The following ALPI variants were observed in gnomAD, a reference collection of about 807,000 sequenced individuals.
ALPI encodes the protein alkaline phosphatase, intestinal, also known as intestinal-type alkaline phosphatase.
Under a neutral mutation model 51.5 loss-of-function variants are expected in ALPI, and 50 were observed. That is an observed-to-expected ratio of 0.97 (90% confidence interval 0.77 to 1.23). The LOEUF (loss-of-function observed/expected upper bound fraction) is 1.23, where lower values mean the gene tolerates loss of function less well. ALPI is among the 50% of genes most tolerant of loss of function. ALPI has a pLI of 0.00. For missense variants in ALPI, 692 were observed against 722.4 expected, an observed-to-expected ratio of 0.96 and a Z score of 0.48; for synonymous variants, 322 against 308.2, an observed-to-expected ratio of 1.04 and a Z score of -0.47.
chr2:232,457,730 G>T lies in ALPI; in HGVS notation c.783+31G>T, dbSNP rs547308328. ...GGGGGCTGGTGGGTGTGGGAGGCAC[G>T]GCAGGGGGAGGCCAAGTGTGTGGGT... On this transcript the variant is annotated intron_variant, in intron 6 of 10. Coordinates refer to ENST00000295463, the MANE Select transcript of ALPI (RefSeq NM_001631.5). The surrounding 1 kb of genome is among the most constrained non-coding windows in gnomAD (Gnocchi z 4.7). 2 of 1,610,436 alleles carry T rather than the reference G, an allele frequency of 1.2e-6. No homozygotes were observed. The highest frequency in any genetic ancestry group is 1.7e-6 in the Non-Finnish European group (2 of 1,177,632).
In ALPI at chr2:232,456,899, A is replaced by G; in HGVS notation, c.301A>G (p.Thr101Ala). The G allele has an allele frequency of 6.2e-7, 1 of 1,613,428 alleles. No homozygotes were observed. Among genetic ancestry groups the G allele is most frequent in the Non-Finnish European group, 8.5e-7 (1 of 1,180,004 alleles). The change falls in exon 4 of 11, where the codon ACA becomes GCA. Residue 101 changes from threonine (T) to alanine (A), a missense_variant and splice_region_variant. Transcript: ENST00000295463. This position sits in a 1 kb window ranked among gnomAD's most constrained non-coding sequence, Gnocchi z 4.2. ...GAGCTCAGGGTGTCTCCGTTCGCAG[A>G]CATACAATGTGGACAGACAGGTGCC... ...DRFPYLALSK[T>A]YNVDRQVPDS...
In ALPI at chr2:232,460,434, T is replaced by G. The variant is rs1690289937; in HGVS notation, c.*1288T>G. ...AGGGTCTGGTCTTTTGGGCAGAGGG[T>G]GGGGGTGGTGGCAGGCTCAGGTGAA... On this transcript the variant is annotated 3_prime_UTR_variant, in exon 11 of 11. Coordinates refer to ENST00000295463, the MANE Select transcript of ALPI (RefSeq NM_001631.5). Among the ~76,000 whole-genome samples the G allele has an allele frequency of 6.8e-6, 1 of 147,062 alleles. No homozygotes were observed. The highest frequency in any genetic ancestry group is 1.5e-5 in the Non-Finnish European group (1 of 66,880).
rs1194704290 is a variant in ALPI at position 232,456,211 on chromosome 2, C to T, written c.12C>T (p.Pro4=). The change falls in exon 1 of 11, where the codon CCC becomes CCT. Residue 4 remains proline, a synonymous_variant. Transcript: ENST00000295463. This position sits in a 1 kb window ranked among gnomAD's most constrained non-coding sequence, Gnocchi z 4.2. ...GCTGCCCCCAAGACATGCAGGGGCC[C>T]TGGGTGCTGCTGCTGCTGGGCCTGA... MQG[P]WVLLLLGLRL... 6.2e-7 allele frequency: 1 copy of T among 1,613,502 alleles called. No homozygotes were observed. The highest frequency in any genetic ancestry group is 1.3e-5 in the African/African-American group (1 of 74,918).
rs114286057 is a variant in ALPI, at chr2:232,457,729, C to T, written c.783+30C>T. 1.7e-3 allele frequency: 2,803 copies of T among 1,610,066 alleles called. 32 individuals are homozygous for T. In the African/African-American group the frequency reaches 0.029, roughly 17 times the overall value. On this transcript the variant is annotated intron_variant, in intron 6 of 10. Coordinates refer to ENST00000295463, the MANE Select transcript of ALPI (RefSeq NM_001631.5). The surrounding 1 kb of genome is among the most constrained non-coding windows in gnomAD (Gnocchi z 4.7). Reference sequence around the variant, plus strand: ...TGGGGGCTGGTGGGTGTGGGAGGCACGGCAGGGGGAGGCCAAGTGTGTGGG... The same window carrying T: ...TGGGGGCTGGTGGGTGTGGGAGGCATGGCAGGGGGAGGCCAAGTGTGTGGG...
Position 232,459,113 on chromosome 2 carries a change from C to CCTG in ALPI, c.1564_1566dup (p.Leu522dup), listed in dbSNP as rs1559265339. 1 of 1,536,926 alleles carries CCTG rather than the reference C, an allele frequency of 6.5e-7. No homozygotes were observed. The highest frequency in any genetic ancestry group is 2.4e-5 in the East Asian group (1 of 40,872). ...CGTCGCTGCCACTGCTGGCCGGGAC[C>CCTG]CTGCTGCTGCTGGGGGCGTCCGCTG... On this transcript the variant is annotated inframe_insertion, in exon 11 of 11. Coordinates refer to ENST00000295463, the MANE Select transcript of ALPI (RefSeq NM_001631.5).
Position 232,458,408 on chromosome 2 carries a change from G to A in ALPI, c.1183G>A (p.Gly395Arg), listed in dbSNP as rs764795958. The A allele has an allele frequency of 1.9e-6, 3 of 1,612,364 alleles. No individual in the cohort carries two copies. The highest frequency in any genetic ancestry group is 2.5e-6 in the Non-Finnish European group (3 of 1,179,196). The change falls in exon 9 of 11, where the codon GGG becomes AGG. Residue 395 changes from glycine to arginine, a missense_variant and splice_region_variant. Transcript: ENST00000295463. ...GYTLRGSSIF[G>R]LAPSKAQDSK... ...CACCTTGCGAGGGAGCTCCATCTTC[G>A]GTAGGCCTGGGGAGAGTGGCAGGTG...
rs753681676 is a variant in ALPI, at chr2:232,459,074, G to C, written c.1515G>C (p.Ala505=). Residue 505 remains alanine, a synonymous_variant, in exon 11 of 11, where the codon GCG becomes GCC. Transcript: ENST00000295463. ...LAPPACTTDA[A]HPVAASLPLL... is the part of the protein sequence containing the mutation. ...CTCCCGCCTGCACCACCGACGCCGC[G>C]CACCCAGTTGCCGCGTCGCTGCCAC... 15 of 1,544,912 alleles carry C rather than the reference G, an allele frequency of 9.7e-6. No individual in the cohort carries two copies. In the African/African-American group the frequency reaches 1.1e-4, roughly 11 times the overall value.
rs1167419172 is a variant in ALPI, at chr2:232,457,754, G to C, written c.784-41G>C. The C allele has an allele frequency of 3.1e-6, 5 of 1,612,362 alleles. No homozygotes were observed. Among genetic ancestry groups the C allele is most frequent in the Non-Finnish European group, 4.2e-6 (5 of 1,179,162 alleles). Reference sequence around the variant, plus strand: ...CGGCAGGGGGAGGCCAAGTGTGTGGGTCTCAGGGCTGTGGGCTGAAGCCTG... The same window carrying C: ...CGGCAGGGGGAGGCCAAGTGTGTGGCTCTCAGGGCTGTGGGCTGAAGCCTG... On this transcript the variant is annotated intron_variant, in intron 6 of 10. Coordinates refer to ENST00000295463, the MANE Select transcript of ALPI (RefSeq NM_001631.5). This position sits in a 1 kb window ranked among gnomAD's most constrained non-coding sequence, Gnocchi z 4.7.
rs1051718875 is a variant in ALPI at position 232,460,221 on chromosome 2, G to T, written c.*1075G>T. Among the ~76,000 whole-genome samples, 4 of 150,906 alleles carry T rather than the reference G, an allele frequency of 2.7e-5. No homozygotes were observed. Among genetic ancestry groups the T allele is most frequent in the Non-Finnish European group, 5.9e-5 (4 of 67,754 alleles). Reference sequence around the variant, plus strand: ...CTGGGGCAGTGTCAGCAGGTGCTCTGGGAGGCCAAGGGCTGGATCAGAGGG... The same window carrying T: ...CTGGGGCAGTGTCAGCAGGTGCTCTTGGAGGCCAAGGGCTGGATCAGAGGG... On this transcript the variant is annotated 3_prime_UTR_variant, in exon 11 of 11. Coordinates refer to ENST00000295463, the MANE Select transcript of ALPI (RefSeq NM_001631.5).
In ALPI at chr2:232,457,087, C is replaced by T. The variant is rs374924065; in HGVS notation, c.475+14C>T. ...CCAAGCAAGCAGGTGAGCTGGGGCCCGCTGTGGGGTCAGGACCAGGCCCAA... is the reference window on the plus strand; with the variant it reads ...CCAAGCAAGCAGGTGAGCTGGGGCCTGCTGTGGGGTCAGGACCAGGCCCAA... On this transcript the variant is annotated intron_variant, in intron 4 of 10. Coordinates refer to ENST00000295463, the MANE Select transcript of ALPI (RefSeq NM_001631.5). This position sits in a 1 kb window ranked among gnomAD's most constrained non-coding sequence, Gnocchi z 4.7. 4.5e-5 allele frequency: 73 copies of T among 1,613,272 alleles called. 1 individual carries two copies. Among genetic ancestry groups the T allele is most frequent in the South Asian group, 2.0e-4 (18 of 91,050 alleles).
At position 232,458,995 on chromosome 2, in the gene ALPI, A is replaced by C. The variant is rs1690255045; in HGVS notation, c.1436A>C (p.His479Pro). The C allele has an allele frequency of 6.3e-7, 1 of 1,578,570 alleles. No homozygotes were observed. Among genetic ancestry groups the C allele is most frequent in the Non-Finnish European group, 8.6e-7 (1 of 1,162,676 alleles). Reference sequence around the variant, plus strand: ...GTGCAGGAGCAGAGCTTCGTAGCGCATGTCATGGCCTTCGCTGCCTGTCTG... The same window carrying C: ...GTGCAGGAGCAGAGCTTCGTAGCGCCTGTCATGGCCTTCGCTGCCTGTCTG... ...HGVQEQSFVA[H>P]VMAFAACLEP... The change falls in exon 11 of 11, where the codon CAT becomes CCT. Residue 479 changes from histidine (H) to proline (P), a missense_variant. Coordinates refer to ENST00000295463, the MANE Select transcript of ALPI (RefSeq NM_001631.5).
Position 232,457,522 on chromosome 2 carries a change from C to A in ALPI, c.649-43C>A. 1 of 1,569,984 alleles carries A rather than the reference C, an allele frequency of 6.4e-7. No homozygotes were observed. ...CTATGCATGAGGAGGGGGCACGGGG[C>A]CAGCCAGGCCCCCAAACCACCTGCC... On this transcript the variant is annotated intron_variant, in intron 5 of 10. Coordinates refer to ENST00000295463, the MANE Select transcript of ALPI (RefSeq NM_001631.5). The surrounding 1 kb of genome is among the most constrained non-coding windows in gnomAD (Gnocchi z 4.7).
rs551977075 is a variant in ALPI at position 232,458,284 on chromosome 2, C to A, written c.1059C>A (p.Phe353Leu). Residue 353 changes from phenylalanine to leucine, a missense_variant, in exon 9 of 11, where the codon TTC (phenylalanine) becomes TTA (leucine). By Grantham distance (22) the Phe-to-Leu change is conservative. Transcript: ENST00000295463. ...AGGCACTCACTGAGGCGGTCATGTT[C>A]GACGACGCCATTGAGAGGGCGGGCC... is the stretch of plus-strand genomic sequence containing the variant. The part of the protein sequence containing the change: ...AYQALTEAVM[F>L]DDAIERAGQL... 7 of 1,614,138 alleles carry A rather than the reference C, an allele frequency of 4.3e-6. No individual in the cohort carries two copies. The East Asian group carries it at 1.6e-4, about 36-fold the overall frequency.
Position 232,458,954 on chromosome 2 carries a change from G to A in ALPI, c.1395G>A (p.Ala465=), listed in dbSNP as rs867126363. The change falls in exon 11 of 11, where the codon GCG becomes GCA. Residue 465 remains alanine (A), a synonymous_variant. Coordinates refer to ENST00000295463, the MANE Select transcript of ALPI (RefSeq NM_001631.5). ...DVAVFARGPQ[A]HLVHGVQEQS... ...CGGTGTTTGCGCGCGGCCCGCAGGC[G>A]CACCTGGTGCATGGTGTGCAGGAGC... 11 of 1,597,470 alleles carry A rather than the reference G, an allele frequency of 6.9e-6. No homozygotes were observed. In the Admixed American group the frequency reaches 1.6e-4, roughly 23 times the overall value.
chr2:232,458,004 T>C lies in ALPI; in HGVS notation c.863T>C (p.Phe288Ser). 1 of 1,613,468 alleles carries C rather than the reference T, an allele frequency of 6.2e-7. No homozygotes were observed. Among genetic ancestry groups the C allele is most frequent in the Non-Finnish European group, 8.5e-7 (1 of 1,179,754 alleles). ...DQSVTHLMGL[F>S]EPGDTKYEIH... The stretch of plus-strand genomic sequence containing the variant: ...CAAGCTCCTTGTCCCACAGGCCTCT[T>C]TGAGCCCGGAGACACGAAATATGAG... Residue 288 changes from phenylalanine (F) to serine (S), a missense_variant, in exon 8 of 11, where the codon TTT becomes TCT. By Grantham distance (155) the Phe-to-Ser change is radical. Transcript: ENST00000295463.
intron 9 of ALPI, 85 bp from the exon 10 acceptor site, chr2:232,458,547 G>A: frequency 6.5e-7 from 1 of 1,544,864 alleles, no homozygotes; most frequent in African/African-American, 1.4e-5. Flanking sequence ...CCCCCGAACA[G>A]GCAAAAAGTG....
Position 232,457,682 on chromosome 2 carries a change from T to C in ALPI, c.766T>C (p.Trp256Arg). ...GGACGGGAAGAACCTGGTGCAGGAA[T>C]GGCTGGCAAAGCACCAGGTGATGGG... ...RLDGKNLVQE[W>R]LAKHQGAWYV... Residue 256 changes from tryptophan to arginine, a missense_variant, in exon 6 of 11, where the codon TGG (tryptophan) becomes CGG (arginine). By Grantham distance (101) the Trp-to-Arg change is moderately radical (BLOSUM62 -3). Transcript: ENST00000295463. The surrounding 1 kb of genome is among the most constrained non-coding windows in gnomAD (Gnocchi z 4.7). 1 of 1,612,956 alleles carries C rather than the reference T, an allele frequency of 6.2e-7. No individual in the cohort carries two copies. The highest frequency in any genetic ancestry group is 8.5e-7 in the Non-Finnish European group (1 of 1,179,206).
chr2:232,459,141 C>T lies in ALPI; in HGVS notation c.1582C>T (p.Pro528Ser). The change falls in exon 11 of 11, where the codon CCC (proline) becomes TCC (serine). Residue 528 changes from proline (P) to serine (S), a missense_variant. Pro to Ser is a moderately conservative substitution (Grantham distance 74). Transcript: ENST00000295463. ...GCTGCTGCTGGGGGCGTCCGCTGCT[C>T]CCTGAGTGCCCCACTCCGGAGTTAT... The part of the protein sequence containing the change: ...TLLLLGASAA[P>S] 2 of 1,530,684 alleles carry T rather than the reference C, an allele frequency of 1.3e-6. No individual in the cohort carries two copies. The highest frequency in any genetic ancestry group is 1.7e-6 in the Non-Finnish European group (2 of 1,144,078). 94.8% of individuals were successfully genotyped at this position (1,530,684 alleles called of 1,614,324 possible). A position where few individuals can be genotyped will look rare whatever the true frequency, so the allele number is the denominator to read the frequency against.
intron 9 of ALPI, 60 bp from the exon 10 acceptor site, chr2:232,458,572 A>G: frequency 6.4e-7 from 1 of 1,569,378 alleles, no homozygotes; most frequent in Non-Finnish European, 8.7e-7. Context: ...TGCCTGGCAC[A>G]TAGGAGGCAC....
Sources: allele counts gnomAD v4.1 joint callset (sites outside exome capture counted in the v4.1 genomes callset), GRCh38; gene constraint gnomAD v4.1.1; non-coding constraint Gnocchi (gnomAD v3.1); transcripts MANE v1.5; gene names NCBI Gene and HGNC (gene_info 2026-07-23, HGNC 2026-07-21).